ELP4: variants seen among roughly 807,000 people sequenced by gnomAD.
The protein encoded by ELP4 is elongator acetyltransferase complex subunit 4, also known as elongator complex protein 4.
In ELP4, 51 loss-of-function variants were observed where a neutral mutation model predicts 48.9. The observed-to-expected ratio is 1.04, with a 90% CI of 0.83 to 1.32. The LOEUF (loss-of-function observed/expected upper bound fraction) is 1.32, where lower values mean the gene tolerates loss of function less well. Ranked by LOEUF, ELP4 falls within the 40% of genes most tolerant of loss-of-function variation. ELP4 has a pLI of 0.00. For synonymous variants in ELP4, 210 were observed against 189.2 expected (o/e 1.11, Z -0.90); for missense variants, 519 against 514.6 (o/e 1.01, Z -0.08).
At position 31,627,092 on chromosome 11, in the gene ELP4, C is replaced by T; in HGVS notation, c.654-18C>T. Reference sequence around the variant, plus strand: ...TAATAACCCATTTATGTATTTGAACCACTTCTTTTACCAACAGTTCTTTGA... The same window carrying T: ...TAATAACCCATTTATGTATTTGAACTACTTCTTTTACCAACAGTTCTTTGA... On this transcript the variant is annotated intron_variant, in intron 5 of 9. Transcript: ENST00000640961. 6.5e-7 allele frequency: 1 copy of T among 1,529,604 alleles called. No homozygotes were observed. The allele number at this position is 1,529,604 out of a possible 1,614,324, so 94.8% of individuals were successfully genotyped here. A position where few individuals can be genotyped will look rare whatever the true frequency, so the allele number is the denominator to read the frequency against.
At chr11:31,521,590 T>G (rs574489742) in intron 2 of ELP4, among the ~76,000 whole-genome samples, 1 of 152,244 alleles carries the variant, frequency 6.6e-6, no homozygotes, top group East Asian at 1.9e-4. Flanking sequence ...TTATGGAGAT[T>G]TTTTCTTTTA....
intron 1 of ELP4, among the ~76,000 whole-genome samples, chr11:31,516,216 C>T (rs568843799): frequency 1.3e-4 from 20 of 152,162 alleles, no homozygotes; most frequent in Non-Finnish European, 2.6e-4. Context: ...AGATAAGAAA[C>T]CTAAATCCTC....
chr11:31,680,990 G>GATCAT (rs1318515816), intron 9 of ELP4, among the ~76,000 whole-genome samples: 1 of 152,080 alleles, frequency 6.6e-6, no homozygotes, highest in Non-Finnish European at 1.5e-5. Context: ...GATAAAGTGT[G>GATCAT]ATCATACCTT....
intron 9 of ELP4, among the ~76,000 whole-genome samples, chr11:31,745,411 A>G (rs565279508): frequency 6.6e-6 from 1 of 152,334 alleles, no homozygotes; most frequent in Admixed American, 6.5e-5. Context: ...ATGTGGAACC[A>G]AAAAAGAGCC....
intron 3 of ELP4, among the ~76,000 whole-genome samples, chr11:31,571,006 G>C (rs868206873): frequency 6.6e-6 from 1 of 151,662 alleles, no homozygotes; most frequent in African/African-American, 2.4e-5. Context: ...CACCATATTG[G>C]CCAGGCTGGT....
rs1175719138 is a variant in ELP4 at position 31,515,301 on chromosome 11, G to T, written c.224-4755G>T. Among the ~76,000 whole-genome samples the T allele has an allele frequency of 4.6e-5, 7 of 152,058 alleles. No homozygotes were observed. In the East Asian group the frequency reaches 1.2e-3, roughly 25 times the overall value. ...TTGGTGATAAAAATGATTTTAATAT[G>T]TCCCCATTATGTCTTAATGTTCAAA... On this transcript the variant is annotated intron_variant, in intron 1 of 9. Transcript: ENST00000640961.
intron 7 of ELP4, chr11:31,637,277 G>A (rs1004523192): frequency 3.3e-5 from 5 of 151,780 alleles, no homozygotes; most frequent in African/African-American, 9.7e-5. Context: ...GACTCAAGCA[G>A]TAGACAGACC....
At chr11:31,644,804 A>C (rs1945169287) in intron 7 of ELP4, among the ~76,000 whole-genome samples, 1 of 151,710 alleles carries the variant, frequency 6.6e-6, no homozygotes, top group Non-Finnish European at 1.5e-5. Flanking sequence ...AATTTTTTTA[A>C]CTTTTTAAAA....
chr11:31,610,485 A>G (rs1957958322), intron 5 of ELP4, among the ~76,000 whole-genome samples: 1 of 152,114 alleles, frequency 6.6e-6, no homozygotes, highest in Non-Finnish European at 1.5e-5. Context: ...CATAGTACCC[A>G]ATAGGTGTTT....
At chr11:31,715,271 A>G (rs2134177550) in intron 9 of ELP4, among the ~76,000 whole-genome samples, 1 of 152,356 alleles carries the variant, frequency 6.6e-6, no homozygotes, top group African/African-American at 2.4e-5. Flanking sequence ...ATGGCCAAAA[A>G]AACTGTATTT....
chr11:31,617,999 T>C (rs889413157), intron 5 of ELP4, among the ~76,000 whole-genome samples: 2 of 152,054 alleles, frequency 1.3e-5, no homozygotes, highest in African/African-American at 4.8e-5. Context: ...AACCTTTTTT[T>C]GGTACATTTA....
At chr11:31,714,550 G>C in intron 9 of ELP4, 1 of 397,628 alleles carries the variant, frequency 2.5e-6, no homozygotes, top group Non-Finnish European at 4.4e-6. Context: ...TGCTGTACCA[G>C]TTTTCTATTG....
intron 2 of ELP4, among the ~76,000 whole-genome samples, chr11:31,533,904 C>G (rs1483301740): frequency 6.6e-6 from 1 of 151,948 alleles, no homozygotes; most frequent in Admixed American, 6.5e-5. Flanking sequence ...GGAGCGATCT[C>G]GGCTCACTGC....
intron 3 of ELP4, among the ~76,000 whole-genome samples, chr11:31,556,952 A>G (rs558944088): frequency 6.6e-6 from 1 of 152,060 alleles, no homozygotes; most frequent in Admixed American, 6.5e-5. Context: ...GAATAATTCA[A>G]ATTTAATCAA....
chr11:31,565,055 T>TA (rs1363839473), intron 3 of ELP4, among the ~76,000 whole-genome samples: 2 of 152,238 alleles, frequency 1.3e-5, no homozygotes, highest in African/African-American at 4.8e-5. Context: ...CCTGACTTTT[T>TA]AATGATCACC....
chr11:31,698,558 G>A (rs913472314), intron 9 of ELP4, among the ~76,000 whole-genome samples: 3 of 152,070 alleles, frequency 2.0e-5, no homozygotes, highest in East Asian at 1.9e-4. Flanking sequence ...GATCACAGGC[G>A]TGGGCCACCA....
At chr11:31,667,745 C>G (rs993575124) in intron 9 of ELP4, among the ~76,000 whole-genome samples, 2 of 152,054 alleles carry the variant, frequency 1.3e-5, no homozygotes, top group Non-Finnish European at 2.9e-5. Flanking sequence ...AGAGGGAGTA[C>G]TATGAAAGTA....
At position 31,749,856 on chromosome 11, in the gene ELP4, AT is replaced by A. The variant is rs1365172448; in HGVS notation, c.1144-33520del. 9.6e-3 allele frequency among the ~76,000 whole-genome samples: 1,342 copies of A among 140,164 alleles called. 8 individuals are homozygous for A. Among genetic ancestry groups the A allele is most frequent in the East Asian group, 0.022 (107 of 4,828 alleles). The allele number at this position is 140,164 out of a possible 152,430, so 92.0% of individuals were successfully genotyped here. A position where few individuals can be genotyped will look rare whatever the true frequency, so the allele number is the denominator to read the frequency against. On this transcript the variant is annotated intron_variant, in intron 9 of 9. Transcript: ENST00000640961. The stretch of plus-strand genomic sequence containing the variant: ...GTCAGCATCTCTGAACCTTTATGAC[AT>A]TTTTTTTTTTTTTTTTGAGACGGAG...
chr11:31,599,522 CAAAAAAAA>C (rs72068693), intron 4 of ELP4: 49,553 of 126,152 alleles, frequency 0.39, 9,074 homozygotes, highest in South Asian at 0.44. Context: ...CACACACACA[CAAAAAAAA>C]AAAACCTGGC....
Sources: allele counts gnomAD v4.1 joint callset (sites outside exome capture counted in the v4.1 genomes callset), GRCh38; gene constraint gnomAD v4.1.1; transcripts MANE v1.5; gene names NCBI Gene and HGNC (gene_info 2026-07-23, HGNC 2026-07-21).